The following ZNF140 variants were observed in gnomAD, a reference collection of about 807,000 sequenced individuals.
The protein encoded by ZNF140 is zinc finger protein 140 (clone pHZ-39).
A neutral mutation model predicts 12.9 loss-of-function variants in ZNF140; 13 were observed. The ratio of observed to expected loss-of-function variants is 1.01; its 90% confidence interval spans 0.66 to 1.60. The LOEUF is 1.60. Among genes scored for constraint, ZNF140 ranks in the 40% most tolerant of loss-of-function variants. The pLI, the probability that ZNF140 is intolerant of heterozygous loss-of-function variation, is 0.00. For synonymous variants in ZNF140, 214 were observed against 186.7 expected (o/e 1.15, Z -1.19); for missense variants, 531 against 548.8 (o/e 0.97, Z 0.32).
intron 4 of ZNF140, among the ~76,000 whole-genome samples, chr12:133,101,369 T>G (rs1348189916): frequency 2.6e-5 from 4 of 152,166 alleles, no homozygotes; most frequent in African/African-American, 9.7e-5. Context: ...ATTTTATCTG[T>G]TTTTCAGTTT....
Position 133,106,832 on chromosome 12 carries a change from T to C in ZNF140, c.*181T>C, listed in dbSNP as rs1479497819. On this transcript the variant is annotated 3_prime_UTR_variant, in exon 5 of 5. Transcript: ENST00000355557. The stretch of plus-strand genomic sequence containing the variant: ...AACCCAGGAATATGTGGAAAAGCCA[T>C]TAATAACCACTCTTTTATTTTTTTG... 2.1e-6 allele frequency: 1 copy of C among 482,814 alleles called. No homozygotes were observed. The highest frequency in any genetic ancestry group is 3.5e-6 in the Non-Finnish European group (1 of 282,954). 29.9% of individuals were successfully genotyped at this position (482,814 alleles called of 1,614,324 possible). A position where few individuals can be genotyped will look rare whatever the true frequency, so the allele number is the denominator to read the frequency against.
At chr12:133,081,776 C>T (rs1449224689) in intron 2 of ZNF140, 1 of 274,706 alleles carries the variant, frequency 3.6e-6, no homozygotes, top group Non-Finnish European at 7.3e-6. Flanking sequence ...CTTTACGTTA[C>T]TCCAGCGCCC....
chr12:133,091,034 C>G (rs1018094565), intron 4 of ZNF140, among the ~76,000 whole-genome samples: 65 of 148,900 alleles, frequency 4.4e-4, no homozygotes, highest in South Asian at 1.3e-3. Context: ...CAGGGGCAGA[C>G]AGGAGACAGT....
At chr12:133,101,255 CT>C (rs1196758790) in intron 4 of ZNF140, among the ~76,000 whole-genome samples, 1 of 152,076 alleles carries the variant, frequency 6.6e-6, no homozygotes, top group Non-Finnish European at 1.5e-5. Context: ...TCAAAGACTG[CT>C]TCTGTTCTTC....
At chr12:133,091,179 T>C (rs1431538568) in intron 4 of ZNF140, among the ~76,000 whole-genome samples, 6 of 150,212 alleles carry the variant, frequency 4.0e-5, no homozygotes, top group Admixed American at 2.0e-4. Flanking sequence ...GACTCTCACA[T>C]TGGGAGAAAC....
intron 4 of ZNF140, chr12:133,093,423 T>G: frequency 1.4e-6 from 1 of 699,202 alleles, no homozygotes; most frequent in East Asian, 2.7e-5. Flanking sequence ...AGGCTTTTTT[T>G]CAGCTAACTG....
chr12:133,082,893 G>A, intron 2 of ZNF140: 2 of 578,888 alleles, frequency 3.5e-6, no homozygotes, highest in Non-Finnish European at 5.7e-6. Flanking sequence ...TCTCAGGACA[G>A]ATAATTTATG....
chr12:133,099,369 G>A (rs927768753), intron 4 of ZNF140, among the ~76,000 whole-genome samples: 1 of 151,966 alleles, frequency 6.6e-6, no homozygotes, highest in Non-Finnish European at 1.5e-5. Context: ...TAGAGACGGG[G>A]TTTCACCGTG....
In ZNF140 at chr12:133,106,585, T is replaced by A. The variant is rs545649741; in HGVS notation, c.1308T>A (p.Thr436=). Residue 436 remains threonine, a synonymous_variant, in exon 5 of 5, where the codon ACT becomes ACA. Coordinates refer to ENST00000355557, the MANE Select transcript of ZNF140 (RefSeq NM_003440.4). ...SNLAKHQRTH[T]LDNPYEYENS... is the part of the protein sequence containing the mutation. ...TTGCTAAACATCAGAGGACACACAC[T>A]CTTGACAACCCCTATGAATATGAAA... 78 of 1,613,394 alleles carry A rather than the reference T, an allele frequency of 4.8e-5. No individual in the cohort carries two copies. The highest frequency in any genetic ancestry group is 1.1e-5 in the South Asian group (1 of 91,018).
chr12:133,096,100 T>C (rs1052350673), intron 4 of ZNF140, among the ~76,000 whole-genome samples: 3 of 151,484 alleles, frequency 2.0e-5, no homozygotes, highest in African/African-American at 4.8e-5. Flanking sequence ...GAGGCCATAT[T>C]TCAGACTATC....
At chr12:133,092,272 C>T (rs1052813017) in intron 4 of ZNF140, among the ~76,000 whole-genome samples, 7 of 150,910 alleles carry the variant, frequency 4.6e-5, no homozygotes, top group South Asian at 2.1e-4. Flanking sequence ...AAGCCTCCCA[C>T]GGTCGGTCCA....
At chr12:133,095,705 A>G (rs1260491568) in intron 4 of ZNF140, among the ~76,000 whole-genome samples, 3 of 151,800 alleles carry the variant, frequency 2.0e-5, no homozygotes, top group African/African-American at 7.3e-5. Context: ...CAGGGTGATA[A>G]TAAGGAGAAG....
chr12:133,082,966 A>T, intron 2 of ZNF140, 137 bp from the exon 3 acceptor site: 1 of 1,295,288 alleles, frequency 7.7e-7, no homozygotes, highest in Non-Finnish European at 1.1e-6. Flanking sequence ...TTATATAATT[A>T]CTCAGAATTC....
chr12:133,087,726 G>C (rs1413782697), intron 4 of ZNF140, among the ~76,000 whole-genome samples: 2 of 152,124 alleles, frequency 1.3e-5, no homozygotes, highest in South Asian at 2.1e-4. Flanking sequence ...TTGTAGAATT[G>C]TTGCATACCT....
At chr12:133,101,235 CATT>C (rs1955334634) in intron 4 of ZNF140, among the ~76,000 whole-genome samples, 1 of 152,120 alleles carries the variant, frequency 6.6e-6, no homozygotes, top group South Asian at 2.1e-4. Context: ...AATTCTCCGT[CATT>C]ATTTCCTCAA....
chr12:133,095,882 C>T (rs1379691490), intron 4 of ZNF140, among the ~76,000 whole-genome samples: 1 of 151,974 alleles, frequency 6.6e-6, no homozygotes, highest in East Asian at 1.9e-4. Context: ...TCTCGCCTCC[C>T]ACCATAGGGC....
intron 4 of ZNF140, among the ~76,000 whole-genome samples, chr12:133,096,172 G>GCACA (rs1955115847): frequency 2.1e-5 from 3 of 139,690 alleles, no homozygotes; most frequent in Non-Finnish European, 4.8e-5. Context: ...GTGGCTTTCT[G>GCACA]CAGTGCATGT....
chr12:133,095,805 T>G (rs1219422509), intron 4 of ZNF140, among the ~76,000 whole-genome samples: 3 of 152,000 alleles, frequency 2.0e-5, no homozygotes, highest in Non-Finnish European at 4.4e-5. Flanking sequence ...AATCCAGATT[T>G]ATGTTTCTCT....
rs1195399948 is a variant in ZNF140 at position 133,106,490 on chromosome 12, A to G, written c.1213A>G (p.Arg405Gly). ...GAGCTTTTCCCTCATTCTACATCAG[A>G]GAACTCATACTGGAGAGAAACCCTA... ...SRSFSLILHQ[R>G]THTGEKPYVC... Residue 405 changes from arginine to glycine, a missense_variant, in exon 5 of 5, where the codon AGA becomes GGA. Transcript: ENST00000355557. 1 of 1,614,154 alleles carries G rather than the reference A, an allele frequency of 6.2e-7. No homozygotes were observed. Among genetic ancestry groups the G allele is most frequent in the South Asian group, 1.1e-5 (1 of 91,082 alleles).
Sources: gnomAD v4.1 joint callset for allele counts (sites outside exome capture counted in the v4.1 genomes callset) on GRCh38, gnomAD v4.1.1 for gene constraint, MANE v1.5 for transcripts, NCBI Gene and HGNC (gene_info 2026-07-23, HGNC 2026-07-21) for gene names.